The following PDE4D variants were observed in gnomAD, a reference collection of about 807,000 sequenced individuals.
PDE4D encodes 3',5'-cyclic-AMP phosphodiesterase 4D.
In PDE4D, 24 loss-of-function variants were observed where a neutral mutation model predicts 87.4. The ratio of observed to expected loss-of-function variants is 0.27; its 90% CI spans 0.20 to 0.39. PDE4D has a LOEUF of 0.39. PDE4D is among the 10% of genes least tolerant of loss of function. The probability of loss-of-function intolerance (pLI) is 1.00; values close to 1 mark genes in which losing one functional copy is unlikely to be tolerated. For synonymous variants in PDE4D, 384 were observed against 383.2 expected (o/e 1.00, Z -0.02); for missense variants, 714 against 1,041.0 (o/e 0.69, Z 4.32).
At chr5:59,579,378 G>A (rs1823695774) in intron 1 of PDE4D, among the ~76,000 whole-genome samples, 1 of 152,046 alleles carries the variant, frequency 6.6e-6, no homozygotes, top group Non-Finnish European at 1.5e-5. Flanking sequence ...ACATTTTTCA[G>A]TAACTCAGAA....
chr5:59,231,606 A>G (rs1755209935), intron 1 of PDE4D, among the ~76,000 whole-genome samples: 1 of 152,216 alleles, frequency 6.6e-6, no homozygotes, highest in African/African-American at 2.4e-5. Flanking sequence ...TTTTTAAGTC[A>G]TTTAATTTGG....
chr5:60,333,329 A>G (rs1288468835), intron 1 of PDE4D, among the ~76,000 whole-genome samples: 1 of 152,122 alleles, frequency 6.6e-6, no homozygotes, highest in African/African-American at 2.4e-5. Flanking sequence ...AACTGTCATC[A>G]TTTCCCACCA....
intron 2 of PDE4D, among the ~76,000 whole-genome samples, chr5:60,070,332 G>A (rs1434895590): frequency 1.3e-5 from 2 of 151,886 alleles, no homozygotes; most frequent in Non-Finnish European, 1.5e-5. Flanking sequence ...TTTAATATAT[G>A]GCTTTTATTA....
intron 1 of PDE4D, among the ~76,000 whole-genome samples, chr5:59,330,184 C>T (rs1213863032): frequency 3.3e-5 from 5 of 152,146 alleles, no homozygotes; most frequent in Non-Finnish European, 7.4e-5. Context: ...GGGGCTATTT[C>T]AGTAACAAGA....
In PDE4D at chr5:60,317,113, G is replaced by C. The variant is rs183241042; in HGVS notation, c.-89-131426C>G. Among the ~76,000 whole-genome samples, 244 of 152,214 alleles carry C rather than the reference G, an allele frequency of 1.6e-3. 1 individual carries two copies. The highest frequency in any genetic ancestry group is 5.4e-3 in the African/African-American group (224 of 41,528). ...TAGAATTCAGCTGTGAATCCATCTGGTCCTGGACTTTTTTTGGTTGATAAG... is the reference window on the plus strand; with the variant it reads ...TAGAATTCAGCTGTGAATCCATCTGCTCCTGGACTTTTTTTGGTTGATAAG... On this transcript the variant is annotated intron_variant, in intron 1 of 16. Coordinates refer to the PDE4D transcript ENST00000502484.
intron 5 of PDE4D, among the ~76,000 whole-genome samples, chr5:59,142,107 C>T (rs1382137033): frequency 1.3e-5 from 2 of 152,018 alleles, no homozygotes; most frequent in African/African-American, 4.8e-5. Context: ...ATAATAACTA[C>T]AGGGAAAAAG....
At chr5:59,376,470 A>G (rs1341123256) in intron 1 of PDE4D, among the ~76,000 whole-genome samples, 2 of 152,110 alleles carry the variant, frequency 1.3e-5, no homozygotes, top group Non-Finnish European at 2.9e-5. Context: ...AGGAATACAG[A>G]TAACCAGGGA....
At chr5:59,224,291 C>T (rs932307209) in intron 1 of PDE4D, among the ~76,000 whole-genome samples, 1 of 123,218 alleles carries the variant, frequency 8.1e-6, no homozygotes, top group Non-Finnish European at 1.6e-5. Context: ...TACACACACA[C>T]ATACACACAC....
chr5:59,871,844 G>A (rs1290522211), intron 1 of PDE4D, among the ~76,000 whole-genome samples: 1 of 152,012 alleles, frequency 6.6e-6, no homozygotes, highest in Non-Finnish European at 1.5e-5. Context: ...GAAACCTCGG[G>A]GTCATCACTG....
At chr5:60,062,208 T>G (rs1406137039) in intron 2 of PDE4D, among the ~76,000 whole-genome samples, 1 of 152,006 alleles carries the variant, frequency 6.6e-6, no homozygotes. Flanking sequence ...CTTAACCATA[T>G]TTACAAGAAA....
At chr5:59,002,075 C>T (rs578142932) in intron 6 of PDE4D, 41 of 516,122 alleles carry the variant, frequency 7.9e-5, no homozygotes, top group African/African-American at 3.1e-4. Flanking sequence ...TTACCCCTCC[C>T]GTAATCTGAA....
At chr5:59,477,532 TA>T (rs1225730513) in intron 1 of PDE4D, among the ~76,000 whole-genome samples, 1 of 151,968 alleles carries the variant, frequency 6.6e-6, no homozygotes, top group East Asian at 1.9e-4. Context: ...AGGCTATTAT[TA>T]AAAAGTTAAA....
chr5:60,314,349 T>A (rs1755338464), intron 1 of PDE4D, among the ~76,000 whole-genome samples: 2 of 151,978 alleles, frequency 1.3e-5, no homozygotes, highest in South Asian at 4.2e-4. Context: ...TGTATTTTAG[T>A]AGAGACGGGG....
In PDE4D at chr5:58,975,974, C is replaced by G; in HGVS notation, c.1831-135G>C. On this transcript the variant is annotated intron_variant, in intron 13 of 14. Coordinates refer to ENST00000340635, the MANE Select transcript of PDE4D (RefSeq NM_001104631.2). This position sits in a 1 kb window ranked among gnomAD's most constrained non-coding sequence, Gnocchi z 4.2. ...GTAGTGTAAGATTTATTCCAAACAG[C>G]TCAACCATGATGTGTCTGTGTATAG... 1 of 668,356 alleles carries G rather than the reference C, an allele frequency of 1.5e-6. No homozygotes were observed. Among genetic ancestry groups the G allele is most frequent in the Non-Finnish European group, 2.3e-6 (1 of 427,808 alleles). The allele number at this position is 668,356 out of a possible 1,614,324, so 41.4% of individuals were successfully genotyped here.
intron 1 of PDE4D, among the ~76,000 whole-genome samples, chr5:59,492,582 GT>G (rs531119861): frequency 1.7e-3 from 256 of 152,270 alleles, no homozygotes; most frequent in African/African-American, 5.6e-3. Context: ...AGAATACCTG[GT>G]TTCTTTTTTA....
rs1392239612 is a variant in PDE4D at position 60,108,974 on chromosome 5, C to A, written c.42+76583G>T. Among the ~76,000 whole-genome samples the A allele has an allele frequency of 3.3e-5, 5 of 152,340 alleles. No homozygotes were observed. The East Asian group carries it at 9.6e-4, about 29-fold the overall frequency. On this transcript the variant is annotated intron_variant, in intron 2 of 16. Coordinates refer to the PDE4D transcript ENST00000502484. The stretch of plus-strand genomic sequence containing the variant: ...GGCAAGGACTTCATGTCTAAACCAT[C>A]AAAAGCAATGGCAACCAAAGCCAAA...
At chr5:59,129,057 C>T (rs953037496) in intron 5 of PDE4D, among the ~76,000 whole-genome samples, 1 of 152,190 alleles carries the variant, frequency 6.6e-6, no homozygotes, top group Non-Finnish European at 1.5e-5. Flanking sequence ...GACCAAACCT[C>T]AAACCCACTT....
At chr5:60,322,063 C>A (rs997623418) in intron 1 of PDE4D, among the ~76,000 whole-genome samples, 2 of 151,706 alleles carry the variant, frequency 1.3e-5, no homozygotes, top group African/African-American at 4.8e-5. Context: ...GGTTTATACC[C>A]AAAGGAATAT....
chr5:59,807,070 A>G (rs1767818803), intron 1 of PDE4D, among the ~76,000 whole-genome samples: 1 of 152,126 alleles, frequency 6.6e-6, no homozygotes, highest in African/African-American at 2.4e-5. Flanking sequence ...ATAATGACCT[A>G]GTAGCAACCA....
Sources: allele counts gnomAD v4.1 joint callset (sites outside exome capture counted in the v4.1 genomes callset), GRCh38; gene constraint gnomAD v4.1.1; non-coding constraint Gnocchi (gnomAD v3.1); transcripts MANE v1.5; gene names NCBI Gene and HGNC (gene_info 2026-07-23, HGNC 2026-07-21).